Variants in CACNA1A observed in about 807,000 individuals in gnomAD.
The protein encoded by CACNA1A is voltage-dependent P/Q-type calcium channel subunit alpha-1A.
In CACNA1A, 57 loss-of-function variants were observed where a neutral mutation model predicts 262.4. The observed-to-expected ratio is 0.22, with a 90% CI of 0.18 to 0.27. The LOEUF (loss-of-function observed/expected upper bound fraction) is 0.27, where lower values mean the gene tolerates loss of function less well. Ranked by LOEUF, CACNA1A falls within the 10% of genes least tolerant of loss-of-function variation. The pLI is 1.00. For synonymous variants in CACNA1A, 1,431 were observed against 1,419.3 expected (o/e 1.01, Z -0.18); for missense variants, 2,526 against 3,562.8 (o/e 0.71, Z 7.41).
chr19:13,500,968 T>C (rs2145172202), intron 1 of CACNA1A, among the ~76,000 whole-genome samples: 1 of 152,154 alleles, frequency 6.6e-6, no homozygotes, highest in South Asian at 2.1e-4. Flanking sequence ...TATATGACCT[T>C]CGGCAAAAGG....
intron 6 of CACNA1A, among the ~76,000 whole-genome samples, chr19:13,349,027 A>AAAAAAG (rs541410353): frequency 2.9e-5 from 4 of 137,738 alleles, no homozygotes; most frequent in South Asian, 2.3e-4. Flanking sequence ...AAAAAAAAAA[A>AAAAAAG]AGAGAGACAA....
At chr19:13,233,271 T>C (rs1288960435) in intron 34 of CACNA1A, among the ~76,000 whole-genome samples, 3 of 152,112 alleles carry the variant, frequency 2.0e-5, no homozygotes, top group Non-Finnish European at 4.4e-5. Context: ...CTCTCAAATG[T>C]CACACTTTCA....
chr19:13,505,388 C>T (rs560827912), intron 1 of CACNA1A, among the ~76,000 whole-genome samples: 1 of 152,282 alleles, frequency 6.6e-6, no homozygotes, highest in East Asian at 1.9e-4. Context: ...TGCTCTTAGC[C>T]CTGGGAGCCC....
chr19:13,315,714 G>C (rs2058113912), intron 11 of CACNA1A: 1 of 152,244 alleles, frequency 6.6e-6, no homozygotes, highest in Admixed American at 6.5e-5. Flanking sequence ...CTGGGAACAA[G>C]GAGGGTTATA....
chr19:13,497,118 GT>G (rs1981623110), intron 1 of CACNA1A, among the ~76,000 whole-genome samples: 1 of 151,922 alleles, frequency 6.6e-6, no homozygotes, highest in Non-Finnish European at 1.5e-5. Context: ...TAAACCACAG[GT>G]TCTGACTCTC....
intron 46 of CACNA1A, among the ~76,000 whole-genome samples, chr19:13,208,465 G>C (rs1252415116): frequency 7.0e-6 from 1 of 143,854 alleles, no homozygotes; most frequent in Admixed American, 7.1e-5. Context: ...CGGGCGGCAC[G>C]GCCCAGAACT....
rs1393653958 is a variant in CACNA1A at position 13,212,298 on chromosome 19, G to A, written c.6190-82C>T. On this transcript the variant is annotated intron_variant, in intron 42 of 46. Transcript: ENST00000360228. The surrounding 1 kb of genome is among the most constrained non-coding windows in gnomAD (Gnocchi z 5.6). ...GTGTCTGCAGAGGGAGGGAGCTGCA[G>A]GTGTGTGTGTGTGGGGGGCCCAGAT... The A allele has an allele frequency of 1.3e-6, 2 of 1,563,212 alleles. No individual in the cohort carries two copies. Among genetic ancestry groups the A allele is most frequent in the South Asian group, 1.1e-5 (1 of 89,134 alleles).
Position 13,227,412 on chromosome 19 carries a change from G to C in CACNA1A, c.5625+19C>G, listed in dbSNP as rs780814648. 1.4e-6 allele frequency: 2 copies of C among 1,437,540 alleles called. No individual in the cohort carries two copies. The highest frequency in any genetic ancestry group is 1.9e-6 in the Non-Finnish European group (2 of 1,047,198). 89.0% of individuals were successfully genotyped at this position (1,437,540 alleles called of 1,614,324 possible). On this transcript the variant is annotated intron_variant, in intron 37 of 46. Coordinates refer to ENST00000360228, the MANE Select transcript of CACNA1A (RefSeq NM_001127222.2). Reference sequence around the variant, plus strand: ...AAAACCCAGTGCCTGGACGTCGGTGGTCGGCAAGGGTAGTCTACCTTGTAA... The same window carrying C: ...AAAACCCAGTGCCTGGACGTCGGTGCTCGGCAAGGGTAGTCTACCTTGTAA...
chr19:13,361,845 T>C (rs1316602992), intron 5 of CACNA1A, among the ~76,000 whole-genome samples: 1 of 152,214 alleles, frequency 6.6e-6, no homozygotes, highest in Non-Finnish European at 1.5e-5. Flanking sequence ...CATGGGTTCC[T>C]ATAATAAATG....
chr19:13,224,916 T>C (rs980320769), intron 37 of CACNA1A, 144 bp from the exon 38 acceptor site: 19 of 587,022 alleles, frequency 3.2e-5, no homozygotes, highest in Non-Finnish European at 5.8e-5. Flanking sequence ...AGGTTACCTG[T>C]CCCAGTACTC....
intron 6 of CACNA1A, among the ~76,000 whole-genome samples, chr19:13,340,257 G>A (rs981314381): frequency 6.6e-6 from 1 of 151,934 alleles, no homozygotes; most frequent in Non-Finnish European, 1.5e-5. Context: ...CTGGGTCCTC[G>A]ACAAGCTTGG....
chr19:13,283,624 A>C (rs889059836), intron 21 of CACNA1A: 1 of 491,868 alleles, frequency 2.0e-6, no homozygotes. Context: ...CCTGTTTAGC[A>C]AAGTTCCTAT....
intron 36 of CACNA1A, chr19:13,228,996 G>A: frequency 2.9e-6 from 1 of 347,520 alleles, no homozygotes; most frequent in Middle Eastern, 8.6e-4. Context: ...GTTCGGGACT[G>A]CAGGGCACCT....
chr19:13,345,571 A>G (rs1174800780), intron 6 of CACNA1A, among the ~76,000 whole-genome samples: 1 of 152,000 alleles, frequency 6.6e-6, no homozygotes, highest in East Asian at 1.9e-4. Flanking sequence ...TTTTCCTCTA[A>G]TTTTTTTGAG....
chr19:13,220,455 T>C (rs2055180219), intron 38 of CACNA1A, among the ~76,000 whole-genome samples: 1 of 152,078 alleles, frequency 6.6e-6, no homozygotes, highest in Admixed American at 6.6e-5. Flanking sequence ...AAGCCAGTGA[T>C]AAAACAAGAC....
At chr19:13,430,200 A>G (rs980120710) in intron 3 of CACNA1A, among the ~76,000 whole-genome samples, 2 of 133,472 alleles carry the variant, frequency 1.5e-5, no homozygotes, top group Non-Finnish European at 3.2e-5. Context: ...TGTTACCACA[A>G]TGAAATATAT....
At chr19:13,238,640 C>A (rs1174094092) in intron 31 of CACNA1A, among the ~76,000 whole-genome samples, 2 of 150,770 alleles carry the variant, frequency 1.3e-5, no homozygotes, top group Non-Finnish European at 2.9e-5. Context: ...GGCTGGAGTG[C>A]AATGGCACGA....
intron 4 of CACNA1A, 49 bp from the exon 5 acceptor site, chr19:13,365,518 C>G (rs1334809340): frequency 6.4e-7 from 1 of 1,553,518 alleles, no homozygotes; most frequent in African/African-American, 1.4e-5. Flanking sequence ...CAAGTACCCC[C>G]AAACCCCGCC....
Position 13,343,071 on chromosome 19 carries a change from A to C in CACNA1A, c.979-7162T>G, listed in dbSNP as rs1449597326. The stretch of plus-strand genomic sequence containing the variant: ...CGCCCAGCCAGATTGATACAGTTTG[A>C]TATCTCTGTAGCTTGCTCCTTCACC... On this transcript the variant is annotated intron_variant, in intron 6 of 46. Coordinates refer to ENST00000360228, the MANE Select transcript of CACNA1A (RefSeq NM_001127222.2). Among the ~76,000 whole-genome samples the C allele has an allele frequency of 2.0e-5, 3 of 148,190 alleles. No homozygotes were observed. In the East Asian group the frequency reaches 6.2e-4, roughly 30 times the overall value.
Sources: allele counts gnomAD v4.1 joint callset (sites outside exome capture counted in the v4.1 genomes callset), GRCh38; gene constraint gnomAD v4.1.1; non-coding constraint Gnocchi (gnomAD v3.1); transcripts MANE v1.5; gene names NCBI Gene and HGNC (gene_info 2026-07-23, HGNC 2026-07-21).